The following SGSM1 variants were observed in gnomAD, a reference collection of about 807,000 sequenced individuals.
SGSM1 encodes small G protein signaling modulator 1.
In SGSM1, 73 loss-of-function variants were observed where a neutral mutation model predicts 133.8. That is an observed-to-expected ratio of 0.55 (90% CI 0.45 to 0.66). The LOEUF (loss-of-function observed/expected upper bound fraction) is 0.66, where lower values mean the gene tolerates loss of function less well. Among genes scored for constraint, SGSM1 ranks in the 30% least tolerant of loss-of-function variants. The probability of loss-of-function intolerance (pLI) is 0.00; values close to 1 mark genes in which losing one functional copy is unlikely to be tolerated. For missense variants in SGSM1, 1,213 were observed against 1,448.1 expected (o/e 0.84, Z 2.64); for synonymous variants, 563 against 573.0 (o/e 0.98, Z 0.25).
chr22:24,814,683 G>A (rs1927963720), intron 2 of SGSM1, among the ~76,000 whole-genome samples: 1 of 152,220 alleles, frequency 6.6e-6, no homozygotes, highest in Admixed American at 6.5e-5. Context: ...GTCCCAAAAG[G>A]ACACTTTGCC....
chr22:24,819,321 A>G (rs1928330211), intron 2 of SGSM1, among the ~76,000 whole-genome samples: 1 of 152,214 alleles, frequency 6.6e-6, no homozygotes, highest in African/African-American at 2.4e-5. Context: ...CCTCAGTCAC[A>G]CTAGCCATAT....
At chr22:24,886,331 G>A (rs1411566461) in intron 15 of SGSM1, among the ~76,000 whole-genome samples, 3 of 151,960 alleles carry the variant, frequency 2.0e-5, no homozygotes, top group Non-Finnish European at 4.4e-5. Context: ...AAACTGGGAG[G>A]CGGAGGTTGC....
At chr22:24,827,393 G>A (rs1417704757) in intron 2 of SGSM1, among the ~76,000 whole-genome samples, 2 of 151,958 alleles carry the variant, frequency 1.3e-5, no homozygotes, top group African/African-American at 4.8e-5. Context: ...GTGGGGAGAG[G>A]GAGGGAGGGC....
At position 24,868,594 on chromosome 22, in the gene SGSM1, G is replaced by C. The variant is rs146208198; in HGVS notation, c.1158+55G>C. The C allele has an allele frequency of 2.3e-3, 3,747 of 1,612,366 alleles. 7 individuals are homozygous for C. Among genetic ancestry groups the C allele is most frequent in the Middle Eastern group, 5.8e-3 (34 of 5,900 alleles). ...GGGGTGGAGGCTGGTCACAGAGGGT[G>C]GTTGTTTTTGCCTGTGTGCCCTTAT... On this transcript the variant is annotated intron_variant, in intron 11 of 24. Coordinates refer to ENST00000400358, the MANE Select transcript of SGSM1 (RefSeq NM_001098497.3).
rs114432050 is a variant in SGSM1, at chr22:24,856,549, G to A, written c.801+869G>A. Among the ~76,000 whole-genome samples the A allele has an allele frequency of 7.8e-3, 1,189 of 152,192 alleles. 16 individuals are homozygous for A. Among genetic ancestry groups the A allele is most frequent in the African/African-American group, 0.027 (1,115 of 41,520 alleles). On this transcript the variant is annotated intron_variant, in intron 8 of 24. Transcript: ENST00000400358. ...CTCCTTTCGCTGTCCCCTCACCAGG[G>A]CCATTTGGTTGCATGGTCATTGTGG... is the stretch of plus-strand genomic sequence containing the variant.
At chr22:24,874,499 T>C in intron 12 of SGSM1, 1 of 1,613,464 alleles carries the variant, frequency 6.2e-7, no homozygotes, top group South Asian at 1.1e-5. Flanking sequence ...TCCATGCTGG[T>C]GGTGGCCAGA....
At chr22:24,837,910 T>C (rs895532860) in intron 2 of SGSM1, among the ~76,000 whole-genome samples, 2 of 152,238 alleles carry the variant, frequency 1.3e-5, no homozygotes, top group Non-Finnish European at 2.9e-5. Flanking sequence ...TATAATCATA[T>C]CTAAGATCTA....
Position 24,850,412 on chromosome 22 carries a change from T to C in SGSM1, c.435T>C (p.His145=), listed in dbSNP as rs757008210. The change falls in exon 5 of 25, where the codon CAT becomes CAC. Residue 145 remains histidine (H), a synonymous_variant. Transcript: ENST00000400358. ...AGAAGGTCCTGGACAAAATTGTGCA[T>C]TACCTTGTGGAAAACAGCAGGTGAG... ...LFEKVLDKIV[H]YLVENSSKYY... 7.4e-6 allele frequency: 12 copies of C among 1,613,922 alleles called. No homozygotes were observed. The highest frequency in any genetic ancestry group is 1.0e-5 in the Non-Finnish European group (12 of 1,179,864).
At position 24,876,473 on chromosome 22, in the gene SGSM1, GT is replaced by G. The variant is rs1932028283; in HGVS notation, c.1292-103del. 25 of 1,448,654 alleles carry G rather than the reference GT, an allele frequency of 1.7e-5. No homozygotes were observed. In the South Asian group the frequency reaches 3.0e-4, roughly 17 times the overall value. The allele number at this position is 1,448,654 out of a possible 1,614,324, so 89.7% of individuals were successfully genotyped here. ...ATCTTCAGGGTCTTTTCCTATCTCT[GT>G]GCTGGCTGGGGCGGGTGAGCTGCTT... On this transcript the variant is annotated intron_variant, in intron 12 of 24. Transcript: ENST00000400358.
rs764382274 is a variant in SGSM1 at position 24,904,747 on chromosome 22, A to G, written c.2736-358A>G. ...TTTTTTGTGCAAAGTGAATACGTCA[A>G]TGTTGCTGGAGAGGAAGACAGTGGG... On this transcript the variant is annotated intron_variant, in intron 20 of 24. Transcript: ENST00000400358. Among the ~76,000 whole-genome samples the G allele has an allele frequency of 3.6e-4, 55 of 152,286 alleles. 1 individual carries two copies. The highest frequency in any genetic ancestry group is 1.9e-4 in the East Asian group (1 of 5,180).
At chr22:24,910,732 G>A (rs1161641087) in intron 21 of SGSM1, among the ~76,000 whole-genome samples, 1 of 152,146 alleles carries the variant, frequency 6.6e-6, no homozygotes, top group African/African-American at 2.4e-5. Context: ...ATCACTTGAG[G>A]TCAGGAGTTG....
chr22:24,818,805 C>G (rs1928281562), intron 2 of SGSM1, among the ~76,000 whole-genome samples: 1 of 152,000 alleles, frequency 6.6e-6, no homozygotes, highest in Non-Finnish European at 1.5e-5. Context: ...TGAACTGGTA[C>G]CTCTTAGTTT....
intron 2 of SGSM1, among the ~76,000 whole-genome samples, chr22:24,824,728 TC>T (rs1928702728): frequency 6.6e-6 from 1 of 152,118 alleles, no homozygotes; most frequent in Non-Finnish European, 1.5e-5. Flanking sequence ...ATATATTTGT[TC>T]TTCAGATCTT....
intron 2 of SGSM1, among the ~76,000 whole-genome samples, chr22:24,829,152 T>C (rs139629): frequency 0.8 from 120,753 of 151,484 alleles, 48,998 homozygotes; most frequent in African/African-American, 0.94. Flanking sequence ...GCCGAGATCG[T>C]GCCACTGCAC....
At chr22:24,844,563 C>T (rs958097564) in intron 2 of SGSM1, 4 of 225,866 alleles carry the variant, frequency 1.8e-5, no homozygotes, top group African/African-American at 6.9e-5. Flanking sequence ...GAGTGCCCTA[C>T]AGGAACTAAA....
intron 2 of SGSM1, among the ~76,000 whole-genome samples, chr22:24,824,380 C>G (rs1928670477): frequency 6.6e-6 from 1 of 152,076 alleles, no homozygotes; most frequent in Admixed American, 6.5e-5. Context: ...AGCATAGAAC[C>G]AGGCACAGCT....
At position 24,923,355 on chromosome 22, in the gene SGSM1, CTTTT is replaced by C. The variant is rs5844615; in HGVS notation, c.3194-826_3194-823del. Among the ~76,000 whole-genome samples, 1,174 of 151,942 alleles carry C rather than the reference CTTTT, an allele frequency of 7.7e-3. 11 individuals are homozygous for C. The highest frequency in any genetic ancestry group is 0.027 in the African/African-American group (1,105 of 41,470). On this transcript the variant is annotated intron_variant, in intron 24 of 24. Transcript: ENST00000400358. ...ACCATGTCTTAGTTTTAGTGTTTTT[CTTTT>C]TTTTCTTTCTACTAAATGGTTTATT...
intron 2 of SGSM1, among the ~76,000 whole-genome samples, chr22:24,822,412 A>ACCCCTGGCAG (rs1381510607): frequency 6.6e-6 from 1 of 150,614 alleles, no homozygotes; most frequent in Non-Finnish European, 1.5e-5. Flanking sequence ...TTTCTTTCCA[A>ACCCCTGGCAG]CCCCTGGCAG....
At chr22:24,900,486 G>A (rs1933116076) in intron 19 of SGSM1, among the ~76,000 whole-genome samples, 3 of 151,666 alleles carry the variant, frequency 2.0e-5, no homozygotes, top group Middle Eastern at 3.4e-3. Context: ...CGCAACCTCC[G>A]CCTCCCGGGT....
Sources: gnomAD v4.1 joint callset for allele counts (sites outside exome capture counted in the v4.1 genomes callset) on GRCh38, gnomAD v4.1.1 for gene constraint, MANE v1.5 for transcripts, NCBI Gene and HGNC (gene_info 2026-07-23, HGNC 2026-07-21) for gene names.